The following KCNMB2 variants were observed in gnomAD, a reference collection of about 807,000 sequenced individuals.
The protein encoded by KCNMB2 is potassium calcium-activated channel subfamily M regulatory beta subunit 2.
A neutral mutation model predicts 24.5 loss-of-function variants in KCNMB2; 9 were observed. The ratio of observed to expected loss-of-function variants is 0.37; its 90% confidence interval spans 0.22 to 0.64. The LOEUF is 0.64. Among genes scored for constraint, KCNMB2 ranks in the 30% least tolerant of loss-of-function variants. KCNMB2 has a pLI of 0.63. For missense variants in KCNMB2, 226 were observed against 284.3 expected (o/e 0.79, Z 1.47); for synonymous variants, 109 against 104.4 (o/e 1.04, Z -0.27).
At chr3:178,619,754 A>C (rs1036649935) in intron 1 of KCNMB2, among the ~76,000 whole-genome samples, 1 of 152,142 alleles carries the variant, frequency 6.6e-6, no homozygotes, top group East Asian at 1.9e-4. Context: ...CAAAAATAAA[A>C]ATTTACATGT....
intron 1 of KCNMB2, among the ~76,000 whole-genome samples, chr3:178,761,555 C>T (rs1405650462): frequency 6.6e-6 from 1 of 152,146 alleles, no homozygotes; most frequent in Non-Finnish European, 1.5e-5. Flanking sequence ...GCCAAGATGG[C>T]TTGTCATTTT....
At chr3:178,727,512 T>C (rs1723003771) in intron 1 of KCNMB2, among the ~76,000 whole-genome samples, 1 of 152,132 alleles carries the variant, frequency 6.6e-6, no homozygotes. Flanking sequence ...TCTTGTATTA[T>C]CCTTGTGAGC....
At chr3:178,767,674 ATCT>A (rs2108417969) in intron 1 of KCNMB2, among the ~76,000 whole-genome samples, 1 of 152,278 alleles carries the variant, frequency 6.6e-6, no homozygotes, top group South Asian at 2.1e-4. Flanking sequence ...TGCCCCAAAC[ATCT>A]TCTTTATTCA....
chr3:178,576,587 C>T (rs967003435), intron 1 of KCNMB2, among the ~76,000 whole-genome samples: 1 of 152,204 alleles, frequency 6.6e-6, no homozygotes, highest in Non-Finnish European at 1.5e-5. Flanking sequence ...AGCTAAGATC[C>T]CCTGGCTTGA....
Position 178,816,499 on chromosome 3 carries a change from C to T in KCNMB2, c.56+9034C>T, listed in dbSNP as rs1714408330. Among the ~76,000 whole-genome samples the T allele has an allele frequency of 2.0e-5, 3 of 151,870 alleles. No individual in the cohort carries two copies. In the South Asian group the frequency reaches 6.2e-4, roughly 32 times the overall value. On this transcript the variant is annotated intron_variant, in intron 2 of 4. Transcript: ENST00000452583. ...TTATTTCTGCTCAAGTTTATTATTT[C>T]CTTCCTTATACTTTGTTTTAGTATA... is the stretch of plus-strand genomic sequence containing the variant.
intron 1 of KCNMB2, among the ~76,000 whole-genome samples, chr3:178,753,317 T>C (rs1049723520): frequency 2.0e-5 from 3 of 152,212 alleles, no homozygotes. Flanking sequence ...CACAAGTGTA[T>C]GTTCTGGAGT....
chr3:178,729,739 C>T (rs1217827877), intron 1 of KCNMB2, among the ~76,000 whole-genome samples: 2 of 152,176 alleles, frequency 1.3e-5, no homozygotes, highest in Non-Finnish European at 2.9e-5. Context: ...ATGTATGAAG[C>T]AAATGGTCTT....
intron 1 of KCNMB2, among the ~76,000 whole-genome samples, chr3:178,593,552 A>G (rs1717756109): frequency 6.6e-6 from 1 of 151,750 alleles, no homozygotes; most frequent in African/African-American, 2.4e-5. Context: ...ACTACAATCT[A>G]CTCTGAAAAC....
intron 1 of KCNMB2, among the ~76,000 whole-genome samples, chr3:178,627,287 T>C (rs1719157097): frequency 6.6e-6 from 1 of 152,214 alleles, no homozygotes; most frequent in South Asian, 2.1e-4. Flanking sequence ...AAGAAAATAC[T>C]AAGACTAATT....
intron 1 of KCNMB2, among the ~76,000 whole-genome samples, chr3:178,695,181 C>G (rs571199804): frequency 1.3e-5 from 2 of 152,370 alleles, no homozygotes; most frequent in South Asian, 4.1e-4. Context: ...CTAGCTGTAC[C>G]TTGGCCCCTT....
chr3:178,762,194 C>G (rs1711925293), intron 1 of KCNMB2, among the ~76,000 whole-genome samples: 2 of 152,048 alleles, frequency 1.3e-5, no homozygotes, highest in African/African-American at 4.8e-5. Context: ...AAACCAAGAA[C>G]AGAAAGTAAT....
intron 1 of KCNMB2, among the ~76,000 whole-genome samples, chr3:178,744,523 G>C (rs1723596324): frequency 6.6e-6 from 1 of 152,146 alleles, no homozygotes; most frequent in Admixed American, 6.5e-5. Flanking sequence ...TAAATGTTAG[G>C]TGGATGATGG....
chr3:178,661,400 G>T (rs913208852), intron 1 of KCNMB2, among the ~76,000 whole-genome samples: 6 of 152,002 alleles, frequency 3.9e-5, no homozygotes, highest in Non-Finnish European at 7.4e-5. Context: ...TGGGCATCTT[G>T]GTTGGTTCTA....
At chr3:178,820,902 G>T (rs1188437258) in intron 2 of KCNMB2, among the ~76,000 whole-genome samples, 2 of 152,188 alleles carry the variant, frequency 1.3e-5, no homozygotes, top group Admixed American at 1.3e-4. Context: ...TCTACTATTT[G>T]TTATTGTCAA....
At chr3:178,732,977 G>A (rs1305979371) in intron 1 of KCNMB2, among the ~76,000 whole-genome samples, 1 of 152,120 alleles carries the variant, frequency 6.6e-6, no homozygotes, top group Non-Finnish European at 1.5e-5. Context: ...GGGATAAACA[G>A]CAAAAGACAG....
At chr3:178,688,945 A>G (rs1721567739) in intron 1 of KCNMB2, among the ~76,000 whole-genome samples, 1 of 152,194 alleles carries the variant, frequency 6.6e-6, no homozygotes, top group African/African-American at 2.4e-5. Flanking sequence ...GTAAGTATTT[A>G]TACATAAAAA....
intron 2 of KCNMB2, among the ~76,000 whole-genome samples, chr3:178,814,464 T>G (rs966431665): frequency 6.6e-6 from 1 of 152,234 alleles, no homozygotes; most frequent in African/African-American, 2.4e-5. Flanking sequence ...TGATTTCTTT[T>G]CCTTTGGGTA....
chr3:178,814,566 C>T (rs1714330060), intron 2 of KCNMB2, among the ~76,000 whole-genome samples: 1 of 152,134 alleles, frequency 6.6e-6, no homozygotes, highest in South Asian at 2.1e-4. Flanking sequence ...CACTGCTTTT[C>T]ATAGAGGTTG....
intron 1 of KCNMB2, among the ~76,000 whole-genome samples, chr3:178,719,744 A>T (rs1722732684): frequency 6.6e-6 from 1 of 152,210 alleles, no homozygotes; most frequent in Non-Finnish European, 1.5e-5. Context: ...AACATACAGT[A>T]AAATTGACTC....
Sources: gnomAD v4.1 joint callset for allele counts (sites outside exome capture counted in the v4.1 genomes callset) on GRCh38, gnomAD v4.1.1 for gene constraint, MANE v1.5 for transcripts, NCBI Gene and HGNC (gene_info 2026-07-23, HGNC 2026-07-21) for gene names.